The following ATP9B variants were observed in gnomAD, a reference collection of about 807,000 sequenced individuals.
ATP9B encodes the protein ATPase phospholipid transporting 9B.
In ATP9B, 110 loss-of-function variants were observed where a neutral mutation model predicts 146.1. That is an observed-to-expected ratio of 0.75 (90% CI 0.65 to 0.88). The LOEUF (loss-of-function observed/expected upper bound fraction) is 0.88, where lower values mean the gene tolerates loss of function less well. Ranked by LOEUF, ATP9B falls within the 40% of genes least tolerant of loss-of-function variation. ATP9B has a pLI of 0.00. For synonymous variants in ATP9B, 604 were observed against 569.7 expected (o/e 1.06, Z -0.86); for missense variants, 1,499 against 1,496.4 (o/e 1.00, Z -0.03).
At chr18:79,302,752 C>G (rs1255638612) in intron 13 of ATP9B, among the ~76,000 whole-genome samples, 2 of 152,166 alleles carry the variant, frequency 1.3e-5, no homozygotes, top group Non-Finnish European at 2.9e-5. Flanking sequence ...TCCTATCTTT[C>G]ACAGACCTCC....
At chr18:79,326,468 T>A (rs1447465434) in intron 15 of ATP9B, among the ~76,000 whole-genome samples, 3 of 146,250 alleles carry the variant, frequency 2.1e-5, no homozygotes, top group Admixed American at 2.0e-4. Context: ...CTCCTTCCCC[T>A]CACATGGTGT....
At chr18:79,236,272 T>C (rs1164326131) in intron 11 of ATP9B, among the ~76,000 whole-genome samples, 1 of 152,212 alleles carries the variant, frequency 6.6e-6, no homozygotes. Flanking sequence ...TTTATCGGCA[T>C]GGGTGTCTGG....
At chr18:79,316,930 A>G (rs1225405616) in intron 15 of ATP9B, among the ~76,000 whole-genome samples, 6 of 152,388 alleles carry the variant, frequency 3.9e-5, no homozygotes, top group Admixed American at 3.3e-4. Context: ...ATATGAAACT[A>G]TCCATATGTA....
At chr18:79,291,548 A>G (rs1169773477) in intron 13 of ATP9B, among the ~76,000 whole-genome samples, 1 of 152,272 alleles carries the variant, frequency 6.6e-6, no homozygotes. Flanking sequence ...CTTCATCTTC[A>G]TATGTGAAGA....
chr18:79,163,049 T>C (rs2094908071), intron 7 of ATP9B, among the ~76,000 whole-genome samples: 8 of 152,226 alleles, frequency 5.3e-5, no homozygotes, highest in Admixed American at 5.2e-4. Context: ...GCCAACTTAG[T>C]AATACATTTT....
At chr18:79,190,908 A>G (rs1243454888) in intron 8 of ATP9B, among the ~76,000 whole-genome samples, 1 of 151,898 alleles carries the variant, frequency 6.6e-6, no homozygotes, top group Admixed American at 6.5e-5. Flanking sequence ...TTTTTTAAAT[A>G]TTTACTTAGA....
intron 13 of ATP9B, among the ~76,000 whole-genome samples, chr18:79,301,239 C>T (rs1359933283): frequency 6.6e-6 from 1 of 152,210 alleles, no homozygotes; most frequent in Non-Finnish European, 1.5e-5. Flanking sequence ...CACCTGTTAT[C>T]CCAGCACTTT....
At chr18:79,209,751 C>T in intron 10 of ATP9B, 5 of 856,778 alleles carry the variant, frequency 5.8e-6, no homozygotes, top group Non-Finnish European at 7.0e-6. Context: ...TGTATTCGAA[C>T]ATCTTTAAAT....
At chr18:79,205,591 G>A (rs1168815222) in intron 9 of ATP9B, among the ~76,000 whole-genome samples, 1 of 151,796 alleles carries the variant, frequency 6.6e-6, no homozygotes, top group Non-Finnish European at 1.5e-5. Context: ...TCAGGACAGT[G>A]TGTGGCTTTT....
intron 5 of ATP9B, among the ~76,000 whole-genome samples, chr18:79,129,089 C>T (rs994074260): frequency 1.3e-5 from 2 of 152,098 alleles, no homozygotes; most frequent in Non-Finnish European, 2.9e-5. Flanking sequence ...CTTTTTTCAC[C>T]TAACTTGAAC....
chr18:79,078,596 A>AT (rs1343185711), intron 1 of ATP9B, among the ~76,000 whole-genome samples: 1 of 148,722 alleles, frequency 6.7e-6, no homozygotes, highest in Non-Finnish European at 1.5e-5. Context: ...TCATTTACTC[A>AT]TTTTTAACAG....
intron 15 of ATP9B, among the ~76,000 whole-genome samples, chr18:79,320,555 G>A (rs140939997): frequency 6.6e-6 from 1 of 152,244 alleles, no homozygotes; most frequent in Non-Finnish European, 1.5e-5. Context: ...GCTGCCGTCA[G>A]TCTCCATAAC....
At chr18:79,153,867 C>G (rs2094729207) in intron 6 of ATP9B, among the ~76,000 whole-genome samples, 1 of 151,422 alleles carries the variant, frequency 6.6e-6, no homozygotes, top group Non-Finnish European at 1.5e-5. Context: ...CGTCTGGTCT[C>G]AAACTCCTGT....
rs767485581 is a variant in ATP9B, at chr18:79,377,772, C to G, written c.*389C>G. On this transcript the variant is annotated 3_prime_UTR_variant, in exon 30 of 30. Transcript: ENST00000426216. Reference sequence around the variant, plus strand: ...CTCTCAGTGTGAGGCTTCACCCATGCTAGGCAAGCCCAGGGCACAGATGCC... The same window carrying G: ...CTCTCAGTGTGAGGCTTCACCCATGGTAGGCAAGCCCAGGGCACAGATGCC... 5.0e-6 allele frequency: 1 copy of G among 201,720 alleles called. No homozygotes were observed. The highest frequency in any genetic ancestry group is 1.0e-5 in the Non-Finnish European group (1 of 98,430). 12.5% of individuals were successfully genotyped at this position (201,720 alleles called of 1,614,324 possible). A position where few individuals can be genotyped will look rare whatever the true frequency, so the allele number is the denominator to read the frequency against.
At chr18:79,127,909 A>G (rs2094314015) in intron 5 of ATP9B, among the ~76,000 whole-genome samples, 1 of 151,942 alleles carries the variant, frequency 6.6e-6, no homozygotes, top group African/African-American at 2.4e-5. Context: ...CTGCTTTTTG[A>G]TTATAGTGGG....
intron 5 of ATP9B, among the ~76,000 whole-genome samples, chr18:79,127,820 C>T (rs1045190089): frequency 6.6e-6 from 1 of 152,102 alleles, no homozygotes; most frequent in African/African-American, 2.4e-5. Flanking sequence ...ATTTTACATC[C>T]CCACCAGCAA....
intron 12 of ATP9B, among the ~76,000 whole-genome samples, chr18:79,273,557 A>G (rs562308755): frequency 6.6e-6 from 1 of 152,350 alleles, no homozygotes; most frequent in South Asian, 2.1e-4. Context: ...TGACAGAGGA[A>G]CGCATGTGAA....
intron 8 of ATP9B, among the ~76,000 whole-genome samples, chr18:79,188,396 C>T (rs1261530946): frequency 6.6e-6 from 1 of 152,160 alleles, no homozygotes; most frequent in Admixed American, 6.5e-5. Flanking sequence ...TTAGCTCGGC[C>T]CTCGGTGCTC....
intron 8 of ATP9B, among the ~76,000 whole-genome samples, chr18:79,184,017 C>A (rs931980127): frequency 2.6e-5 from 4 of 152,102 alleles, no homozygotes; most frequent in Non-Finnish European, 5.9e-5. Flanking sequence ...CTTATAATAT[C>A]TTCGCTATGT....
Sources: allele counts gnomAD v4.1 joint callset (sites outside exome capture counted in the v4.1 genomes callset), GRCh38; gene constraint gnomAD v4.1.1; transcripts MANE v1.5; gene names NCBI Gene and HGNC (gene_info 2026-07-23, HGNC 2026-07-21).